Variants in DCP2 observed in about 807,000 individuals in gnomAD.
DCP2 encodes the protein decapping mRNA 2, also known as m7GpppN-mRNA hydrolase.
Under a neutral mutation model 56.1 loss-of-function variants are expected in DCP2, and 30 were observed. That is an observed-to-expected ratio of 0.53 (90% CI 0.40 to 0.73). The LOEUF (loss-of-function observed/expected upper bound fraction) is 0.73, where lower values mean the gene tolerates loss of function less well. Ranked by LOEUF, DCP2 falls within the 30% of genes least tolerant of loss-of-function variation. The pLI is 0.00. For synonymous variants in DCP2, 197 were observed against 163.3 expected (o/e 1.21, Z -1.57); for missense variants, 533 against 502.7 (o/e 1.06, Z -0.58).
intron 9 of DCP2, among the ~76,000 whole-genome samples, chr5:113,010,427 G>C (rs776646918): frequency 1.3e-5 from 2 of 151,914 alleles, no homozygotes; most frequent in Non-Finnish European, 2.9e-5. Flanking sequence ...GCTGGTCTCA[G>C]ACTCTTGGCC....
chr5:113,011,587 C>G (rs1749682552), intron 10 of DCP2, among the ~76,000 whole-genome samples: 1 of 152,238 alleles, frequency 6.6e-6, no homozygotes, highest in East Asian at 1.9e-4. Flanking sequence ...TTATCATATT[C>G]TTTTTCTGTA....
chr5:112,987,938 T>G (rs1748377441), intron 2 of DCP2, among the ~76,000 whole-genome samples: 1 of 152,164 alleles, frequency 6.6e-6, no homozygotes, highest in Admixed American at 6.6e-5. Context: ...TTATTGTTTT[T>G]GACCATGACG....
At chr5:113,005,260 A>C (rs1040832602) in intron 8 of DCP2, among the ~76,000 whole-genome samples, 1 of 152,128 alleles carries the variant, frequency 6.6e-6, no homozygotes, top group Non-Finnish European at 1.5e-5. Flanking sequence ...GATATTTGCA[A>C]ATTATATATA....
chr5:112,988,498 A>T (rs1427167984), intron 2 of DCP2, among the ~76,000 whole-genome samples: 9 of 149,258 alleles, frequency 6.0e-5, no homozygotes, highest in African/African-American at 7.4e-5. Flanking sequence ...TCTTAATAAA[A>T]AAAAAAAAAA....
In DCP2 at chr5:112,976,887, C is replaced by A; in HGVS notation, c.-47C>A. On this transcript the variant is annotated 5_prime_UTR_variant, in exon 1 of 11. Coordinates refer to ENST00000389063, the MANE Select transcript of DCP2 (RefSeq NM_152624.6). ...GTCCTAGTGCCGTACCGTCAGTCCC[C>A]GGCCGCGCGGAGCCGGGATGCACTG... is the stretch of plus-strand genomic sequence containing the variant. 3 of 1,606,508 alleles carry A rather than the reference C, an allele frequency of 1.9e-6. No homozygotes were observed. Among genetic ancestry groups the A allele is most frequent in the Non-Finnish European group, 2.6e-6 (3 of 1,173,044 alleles).
chr5:112,985,721 C>G (rs906016726), intron 1 of DCP2, 114 bp from the exon 2 acceptor site: 12 of 1,210,214 alleles, frequency 9.9e-6, no homozygotes, highest in Non-Finnish European at 1.2e-5. Flanking sequence ...TTGAACAGTA[C>G]TGCTCTTGGT....
rs1355402514 is a variant in DCP2, at chr5:113,020,679, T to G, written c.*7195T>G. ...GTTTGTGAATTGGAGTTTAAATGTTTGCAGGATTACTGTACTTCCAAAGAC... is the reference window on the plus strand; with the variant it reads ...GTTTGTGAATTGGAGTTTAAATGTTGGCAGGATTACTGTACTTCCAAAGAC... On this transcript the variant is annotated 3_prime_UTR_variant, in exon 11 of 11. Transcript: ENST00000389063. The G allele has an allele frequency of 6.6e-6, 1 of 152,214 alleles. No homozygotes were observed. The highest frequency in any genetic ancestry group is 1.5e-5 in the Non-Finnish European group (1 of 68,040). The allele number at this position is 152,214 out of a possible 1,614,324, so 9.4% of individuals were successfully genotyped here.
chr5:112,981,593 G>C (rs1041712358), intron 1 of DCP2, among the ~76,000 whole-genome samples: 5 of 152,190 alleles, frequency 3.3e-5, no homozygotes, highest in African/African-American at 1.2e-4. Flanking sequence ...GTCTTCAGCG[G>C]CTAGTTTCTT....
intron 4 of DCP2, among the ~76,000 whole-genome samples, chr5:112,994,332 C>A (rs530833587): frequency 9.6e-4 from 146 of 151,530 alleles, no homozygotes; most frequent in African/African-American, 3.5e-3. Context: ...CCACCATGCC[C>A]AGCTAATTTT....
At chr5:112,978,069 C>A (rs1163607652) in intron 1 of DCP2, among the ~76,000 whole-genome samples, 1 of 152,008 alleles carries the variant, frequency 6.6e-6, no homozygotes, top group Non-Finnish European at 1.5e-5. Context: ...CCTCTGCCTT[C>A]CGGATTCAAA....
chr5:112,980,601 A>C (rs1028442564), intron 1 of DCP2, among the ~76,000 whole-genome samples: 1 of 152,256 alleles, frequency 6.6e-6, no homozygotes, highest in Non-Finnish European at 1.5e-5. Context: ...AAACAGATCA[A>C]AAGCATTCAC....
At chr5:113,004,222 A>G in intron 8 of DCP2, 145 bp downstream of exon 8, 1 of 906,324 alleles carries the variant, frequency 1.1e-6, no homozygotes. Flanking sequence ...TATGATTTGA[A>G]GCAGGGCTGA....
rs559048452 is a variant in DCP2 at position 112,994,264 on chromosome 5, T to C, written c.432+1494T>C. Among the ~76,000 whole-genome samples, 8 of 149,158 alleles carry C rather than the reference T, an allele frequency of 5.4e-5. No homozygotes were observed. The South Asian group carries it at 6.4e-4, about 12-fold the overall frequency. On this transcript the variant is annotated intron_variant, in intron 4 of 10. Transcript: ENST00000389063. ...ATAGTGCACTGCAGCCTCGACCGCC[T>C]GGGCTCAAGCAATCCTCCTGCCTCA... is the stretch of plus-strand genomic sequence containing the variant.
At position 112,976,814 on chromosome 5, in the gene DCP2, T is replaced by C. The variant is rs1314323568; in HGVS notation, c.-120T>C. The C allele has an allele frequency of 9.1e-6, 9 of 984,794 alleles. No homozygotes were observed. Among genetic ancestry groups the C allele is most frequent in the Non-Finnish European group, 1.5e-5 (9 of 605,542 alleles). The allele number at this position is 984,794 out of a possible 1,614,324, so 61.0% of individuals were successfully genotyped here. A position where few individuals can be genotyped will look rare whatever the true frequency, so the allele number is the denominator to read the frequency against. ...CTTCCCCTTCTCGTCTCCGTTGGAGTCGTCTCTGCCGCGGCTTCCTCGGCT... is the reference window on the plus strand; with the variant it reads ...CTTCCCCTTCTCGTCTCCGTTGGAGCCGTCTCTGCCGCGGCTTCCTCGGCT... On this transcript the variant is annotated 5_prime_UTR_variant, in exon 1 of 11. Transcript: ENST00000389063.
intron 4 of DCP2, among the ~76,000 whole-genome samples, chr5:112,997,763 C>T (rs1050721327): frequency 6.6e-6 from 1 of 151,904 alleles, no homozygotes; most frequent in Admixed American, 6.6e-5. Flanking sequence ...TACAGGCGCA[C>T]GCCACCATGT....
chr5:112,977,002 A>AGAGATCCCCTTTCGC lies in DCP2; in HGVS notation c.53+16_53+17insGAGATCCCCTTTCGC. 6.7e-7 allele frequency: 1 copy of AGAGATCCCCTTTCGC among 1,503,620 alleles called. No individual in the cohort carries two copies. The allele number at this position is 1,503,620 out of a possible 1,614,324, so 93.1% of individuals were successfully genotyped here. ...ATCTCTGCAGGTACCGCGCTACCCG[A>AGAGATCCCCTTTCGC]CCCCCTTTCGCCCCCGTCGGGTTTT... On this transcript the variant is annotated intron_variant, in intron 1 of 10. Transcript: ENST00000389063.
intron 2 of DCP2, among the ~76,000 whole-genome samples, chr5:112,991,173 G>T (rs1180989997): frequency 6.6e-6 from 1 of 152,054 alleles, no homozygotes; most frequent in South Asian, 2.1e-4. Flanking sequence ...CTAGATAATT[G>T]AATATATGCT....
intron 1 of DCP2, among the ~76,000 whole-genome samples, chr5:112,981,668 G>A (rs540462608): frequency 2.6e-5 from 4 of 152,142 alleles, no homozygotes; most frequent in African/African-American, 4.8e-5. Context: ...TGAATTCTCC[G>A]TTCTTATATC....
chr5:112,976,889 G>C lies in DCP2; in HGVS notation c.-45G>C. 6.2e-7 allele frequency: 1 copy of C among 1,609,254 alleles called. No homozygotes were observed. Among genetic ancestry groups the C allele is most frequent in the Non-Finnish European group, 8.5e-7 (1 of 1,175,588 alleles). The stretch of plus-strand genomic sequence containing the variant: ...CCTAGTGCCGTACCGTCAGTCCCCG[G>C]CCGCGCGGAGCCGGGATGCACTGTT... On this transcript the variant is annotated 5_prime_UTR_variant, in exon 1 of 11. Coordinates refer to ENST00000389063, the MANE Select transcript of DCP2 (RefSeq NM_152624.6).
Sources: gnomAD v4.1 joint callset for allele counts (sites outside exome capture counted in the v4.1 genomes callset) on GRCh38, gnomAD v4.1.1 for gene constraint, MANE v1.5 for transcripts, NCBI Gene and HGNC (gene_info 2026-07-23, HGNC 2026-07-21) for gene names.